C16orf74: variants seen among roughly 807,000 people sequenced by gnomAD.
C16orf74 encodes calcimembrin, also known as uncharacterized protein C16orf74.
A neutral mutation model predicts 6.5 loss-of-function variants in C16orf74; 10 were observed. The observed-to-expected ratio is 1.54, with a 90% CI of 0.95 to 2.61. The LOEUF is 2.61. C16orf74 is among the 30% of genes most tolerant of loss of function. The probability of loss-of-function intolerance (pLI) is 0.00; values close to 1 mark genes in which losing one functional copy is unlikely to be tolerated. For missense variants in C16orf74, 141 were observed against 105.9 expected (o/e 1.33, Z -1.45); for synonymous variants, 60 against 42.5 (o/e 1.41, Z -1.60).
At chr16:85,745,279 AAGAC>A (rs771143258) in intron 1 of C16orf74, among the ~76,000 whole-genome samples, 10 of 152,182 alleles carry the variant, frequency 6.6e-5, no homozygotes, top group Non-Finnish European at 1.3e-4. Context: ...GAGGGGTGGC[AAGAC>A]AGACAGACAT....
chr16:85,726,952 C>T (rs960592070), intron 2 of C16orf74, among the ~76,000 whole-genome samples: 1 of 152,190 alleles, frequency 6.6e-6, no homozygotes, highest in Non-Finnish European at 1.5e-5. Context: ...GGCTGGGGTG[C>T]TTCCTGGGTG....
intron 2 of C16orf74, among the ~76,000 whole-genome samples, chr16:85,717,811 G>A (rs902546615): frequency 2.0e-5 from 3 of 152,218 alleles, no homozygotes; most frequent in Non-Finnish European, 2.9e-5. Flanking sequence ...GAGCAGGGCT[G>A]GGGCTTGACG....
intron 1 of C16orf74, among the ~76,000 whole-genome samples, chr16:85,740,579 C>T (rs897912786): frequency 5.9e-5 from 9 of 151,606 alleles, no homozygotes; most frequent in African/African-American, 2.2e-4. Context: ...GCGGGCCCAG[C>T]TACTAGAGAC....
intron 2 of C16orf74, among the ~76,000 whole-genome samples, chr16:85,732,528 T>A (rs396034): frequency 0.27 from 41,141 of 151,384 alleles, 5,942 homozygotes; most frequent in Middle Eastern, 0.37. Context: ...TAGCTGGGCG[T>A]GGTGGCACAC....
chr16:85,719,289 T>A (rs2152059695), intron 2 of C16orf74, among the ~76,000 whole-genome samples: 1 of 152,278 alleles, frequency 6.6e-6, no homozygotes, highest in East Asian at 1.9e-4. Flanking sequence ...TATCTGTGCC[T>A]TTCCCCTACA....
At chr16:85,740,081 G>T (rs943473759) in intron 1 of C16orf74, among the ~76,000 whole-genome samples, 2 of 149,786 alleles carry the variant, frequency 1.3e-5, no homozygotes, top group African/African-American at 4.9e-5. Context: ...GTGGTGGCAG[G>T]CACCCGTAAT....
At chr16:85,736,175 G>T (rs750410245) in intron 1 of C16orf74, among the ~76,000 whole-genome samples, 1 of 152,168 alleles carries the variant, frequency 6.6e-6, no homozygotes, top group Non-Finnish European at 1.5e-5. Context: ...GCCGAAGATG[G>T]GTGGGACCTG....
intron 1 of C16orf74, among the ~76,000 whole-genome samples, chr16:85,745,072 T>A (rs919630111): frequency 7.1e-6 from 1 of 140,014 alleles, no homozygotes; most frequent in African/African-American, 2.8e-5. Flanking sequence ...ACCTGGGAGC[T>A]GCAGGTTGTG....
intron 2 of C16orf74, among the ~76,000 whole-genome samples, chr16:85,712,762 A>G (rs2053982687): frequency 6.6e-6 from 1 of 152,224 alleles, no homozygotes; most frequent in South Asian, 2.1e-4. Flanking sequence ...AAATAATTTA[A>G]TCTTGCCTAA....
At chr16:85,735,037 T>C (rs570670948) in intron 2 of C16orf74, among the ~76,000 whole-genome samples, 153 bp downstream of exon 2, 40 of 152,224 alleles carry the variant, frequency 2.6e-4, no homozygotes, top group South Asian at 2.5e-3. Flanking sequence ...AGGACAAGCA[T>C]TTTTAGAGCA....
At chr16:85,748,841 C>G (rs2054402642) in intron 1 of C16orf74, among the ~76,000 whole-genome samples, 1 of 151,924 alleles carries the variant, frequency 6.6e-6, no homozygotes, top group Admixed American at 6.6e-5. Flanking sequence ...CACTTCTCAT[C>G]ATGGCCTGAA....
At chr16:85,731,722 C>G (rs1270584290) in intron 2 of C16orf74, among the ~76,000 whole-genome samples, 2 of 151,248 alleles carry the variant, frequency 1.3e-5, no homozygotes, top group East Asian at 3.9e-4. Context: ...GGGTCTGGCT[C>G]TGTCACCCAG....
intron 2 of C16orf74, among the ~76,000 whole-genome samples, chr16:85,717,943 G>C (rs1186318979): frequency 6.6e-6 from 1 of 152,174 alleles, no homozygotes; most frequent in East Asian, 1.9e-4. Flanking sequence ...GGATGCCCAG[G>C]TCCCTGGGGT....
chr16:85,732,413 C>T (rs979195638), intron 2 of C16orf74, among the ~76,000 whole-genome samples: 92 of 152,134 alleles, frequency 6.0e-4, no homozygotes, highest in African/African-American at 2.0e-3. Context: ...CGCCTGTAAT[C>T]CCAGCACTTT....
intron 2 of C16orf74, 75 bp downstream of exon 2, chr16:85,735,115 T>C: frequency 1.5e-6 from 2 of 1,352,618 alleles, no homozygotes. Flanking sequence ...GGGCTTCAAC[T>C]CCCCTCTCTC....
At chr16:85,739,978 G>C (rs2054285225) in intron 1 of C16orf74, among the ~76,000 whole-genome samples, 1 of 151,828 alleles carries the variant, frequency 6.6e-6, no homozygotes, top group Admixed American at 6.6e-5. Context: ...GGGAGGCCGA[G>C]GCGGGTGGAT....
rs1276819489 is a variant in C16orf74, at chr16:85,715,133, G to A, written c.29-4826C>T. On this transcript the variant is annotated intron_variant, in intron 2 of 3. Transcript: ENST00000284245. The stretch of plus-strand genomic sequence containing the variant: ...GATCACGCCACTGCACTCCAGCCCG[G>A]GTGACAGAGCCAGACTCCGTCTCAA... Among the ~76,000 whole-genome samples, 26 of 149,784 alleles carry A rather than the reference G, an allele frequency of 1.7e-4. No individual in the cohort carries two copies. In the Admixed American group the frequency reaches 1.7e-3, roughly 10 times the overall value.
intron 3 of C16orf74, among the ~76,000 whole-genome samples, chr16:85,708,542 T>C (rs2053936174): frequency 6.6e-6 from 1 of 152,228 alleles, no homozygotes; most frequent in African/African-American, 2.4e-5. Flanking sequence ...TGTGTGTCCC[T>C]GGGCGAGGCA....
chr16:85,730,996 T>A (rs763707137), intron 2 of C16orf74, among the ~76,000 whole-genome samples: 1 of 152,230 alleles, frequency 6.6e-6, no homozygotes, highest in Non-Finnish European at 1.5e-5. Flanking sequence ...AAAGTAATCG[T>A]ACCCGTTTCT....
Sources: allele counts gnomAD v4.1 joint callset (sites outside exome capture counted in the v4.1 genomes callset), GRCh38; gene constraint gnomAD v4.1.1; transcripts MANE v1.5; gene names NCBI Gene and HGNC (gene_info 2026-07-23, HGNC 2026-07-21).